The following COL9A1 variants were observed in gnomAD, a reference collection of about 807,000 sequenced individuals.
COL9A1 encodes the protein collagen alpha-1(IX) chain.
A neutral mutation model predicts 142.6 loss-of-function variants in COL9A1; 104 were observed. That is an observed-to-expected ratio of 0.73 (90% confidence interval 0.62 to 0.86). The LOEUF is 0.86. Among genes scored for constraint, COL9A1 ranks in the 40% least tolerant of loss-of-function variants. The pLI, the probability that COL9A1 is intolerant of heterozygous loss-of-function variation, is 0.00. For synonymous variants in COL9A1, 466 were observed against 396.0 expected, an observed-to-expected ratio of 1.18 and a Z score of -2.10; for missense variants, 1,210 against 1,176.6, an observed-to-expected ratio of 1.03 and a Z score of -0.42.
chr6:70,291,356 T>C (rs983230690), intron 5 of COL9A1, among the ~76,000 whole-genome samples: 1 of 152,092 alleles, frequency 6.6e-6, no homozygotes, highest in Non-Finnish European at 1.5e-5. Context: ...TCCCCAGGAC[T>C]CCTTTCAGAC....
intron 20 of COL9A1, among the ~76,000 whole-genome samples, chr6:70,257,292 C>G (rs991470060): frequency 1.3e-5 from 2 of 152,046 alleles, no homozygotes; most frequent in Admixed American, 6.6e-5. Flanking sequence ...ATCTCTTGAC[C>G]TCATGATCTG....
intron 5 of COL9A1, among the ~76,000 whole-genome samples, chr6:70,292,130 C>A (rs1773685196): frequency 6.6e-6 from 1 of 152,158 alleles, no homozygotes; most frequent in African/African-American, 2.4e-5. Flanking sequence ...TTGAATTTCA[C>A]ATTGTCACTT....
In COL9A1 at chr6:70,283,666, A is replaced by G. The variant is rs1773314395; in HGVS notation, c.780+71T>C. On this transcript the variant is annotated intron_variant, in intron 6 of 37. Transcript: ENST00000357250. Reference sequence around the variant, plus strand: ...GGAGGGGTGCTGGGGAGGTGGCAAGATGGGAAAGTGGTGAGGTGGAGAGGG... The same window carrying G: ...GGAGGGGTGCTGGGGAGGTGGCAAGGTGGGAAAGTGGTGAGGTGGAGAGGG... The G allele has an allele frequency of 6.9e-6, 8 of 1,162,842 alleles. No homozygotes were observed. In the Admixed American group the frequency reaches 1.5e-4, roughly 22 times the overall value. 72.0% of individuals were successfully genotyped at this position (1,162,842 alleles called of 1,614,324 possible).
intron 33 of COL9A1, among the ~76,000 whole-genome samples, chr6:70,236,452 C>A (rs928108919): frequency 6.6e-6 from 1 of 152,056 alleles, no homozygotes; most frequent in Non-Finnish European, 1.5e-5. Flanking sequence ...TAAAAGAACA[C>A]GAGGCAGCAA....
intron 36 of COL9A1, among the ~76,000 whole-genome samples, chr6:70,231,441 ACT>A (rs1769535801): frequency 1.3e-5 from 2 of 151,620 alleles, no homozygotes; most frequent in Admixed American, 1.3e-4. Flanking sequence ...TTTAAGAAAA[ACT>A]CTACCCTCAG....
intron 37 of COL9A1, among the ~76,000 whole-genome samples, chr6:70,223,298 A>G (rs1156940831): frequency 6.6e-6 from 1 of 152,246 alleles, no homozygotes; most frequent in Admixed American, 6.5e-5. Flanking sequence ...CGCCTACTAT[A>G]GCCAGGAACT....
At chr6:70,232,077 A>G (rs968095963) in intron 36 of COL9A1, among the ~76,000 whole-genome samples, 1 of 152,140 alleles carries the variant, frequency 6.6e-6, no homozygotes, top group Non-Finnish European at 1.5e-5. Flanking sequence ...AAAAAAATCC[A>G]TCAAAACTAA....
intron 16 of COL9A1, 144 bp downstream of exon 16, chr6:70,269,489 G>A: frequency 1.5e-6 from 1 of 648,434 alleles, no homozygotes; most frequent in Non-Finnish European, 2.8e-6. Context: ...TAGTCCACTA[G>A]CGTTACAGAC....
intron 7 of COL9A1, among the ~76,000 whole-genome samples, chr6:70,281,671 C>A (rs1470683652): frequency 6.6e-6 from 1 of 152,140 alleles, no homozygotes; most frequent in African/African-American, 2.4e-5. Context: ...AACTGTGGGG[C>A]TAGAGCAGGA....
rs182559236 is a variant in COL9A1 at position 70,275,703 on chromosome 6, C to T, written c.976-931G>A. On this transcript the variant is annotated intron_variant, in intron 10 of 37. Coordinates refer to ENST00000357250, the MANE Select transcript of COL9A1 (RefSeq NM_001851.6). ...GCTCTTTGACACTTTCAGATGCTGT[C>T]ATTTACAATGTAATCTTGAAAGTAT... is the stretch of plus-strand genomic sequence containing the variant. Among the ~76,000 whole-genome samples the T allele has an allele frequency of 2.5e-3, 382 of 152,052 alleles. 5 individuals are homozygous for T. The highest frequency in any genetic ancestry group is 8.5e-3 in the African/African-American group (352 of 41,506).
intron 28 of COL9A1, among the ~76,000 whole-genome samples, chr6:70,247,644 C>T (rs1770687545): frequency 6.6e-6 from 1 of 152,158 alleles, no homozygotes; most frequent in African/African-American, 2.4e-5. Flanking sequence ...TTTATAAACC[C>T]ATTTTCATGT....
chr6:70,250,306 C>T (rs965445151), intron 28 of COL9A1, among the ~76,000 whole-genome samples: 4 of 152,074 alleles, frequency 2.6e-5, no homozygotes, highest in Admixed American at 6.6e-5. Flanking sequence ...AGTAAACACT[C>T]GCAAAGCTCT....
chr6:70,258,255 T>C (rs561325157), intron 20 of COL9A1, among the ~76,000 whole-genome samples: 35 of 152,318 alleles, frequency 2.3e-4, no homozygotes, highest in African/African-American at 8.2e-4. Context: ...TGAGGCAGCC[T>C]TCTAATGAAC....
chr6:70,241,509 T>G (rs1770258150), intron 30 of COL9A1, 55 bp from the exon 31 acceptor site: 11 of 1,467,514 alleles, frequency 7.5e-6, no homozygotes, highest in Non-Finnish European at 9.5e-6. Flanking sequence ...TTATATAATT[T>G]CAAGTGAACC....
chr6:70,218,341 T>C (rs1768658525), intron 37 of COL9A1, among the ~76,000 whole-genome samples: 2 of 152,246 alleles, frequency 1.3e-5, no homozygotes, highest in Admixed American at 1.3e-4. Context: ...CATTTCTTGC[T>C]TGTCTTCCTT....
chr6:70,269,667 TA>T lies in COL9A1; in HGVS notation c.1198-3del, dbSNP rs763505302. 1.3e-6 allele frequency: 2 copies of T among 1,579,484 alleles called. No homozygotes were observed. Among genetic ancestry groups the T allele is most frequent in the Non-Finnish European group, 1.7e-6 (2 of 1,148,496 alleles). ...TCCATCATGAAAGCCAATTGTTCCCTAAAGTAAACAAAATATTAAGGTTCAG... is the reference window on the plus strand; with the variant it reads ...TCCATCATGAAAGCCAATTGTTCCCTAAGTAAACAAAATATTAAGGTTCAG... On this transcript the variant is annotated splice_region_variant and splice_polypyrimidine_tract_variant and intron_variant, in intron 15 of 37. Coordinates refer to ENST00000357250, the MANE Select transcript of COL9A1 (RefSeq NM_001851.6).
intron 22 of COL9A1, 46 bp from the exon 23 acceptor site, chr6:70,255,249 A>T (rs1018727018): frequency 6.2e-7 from 1 of 1,612,434 alleles, no homozygotes. Flanking sequence ...TTCAGTTAAC[A>T]TAATACTTAG....
At chr6:70,282,424 C>T (rs1043170218) in intron 7 of COL9A1, among the ~76,000 whole-genome samples, 2 of 152,212 alleles carry the variant, frequency 1.3e-5, no homozygotes, top group African/African-American at 4.8e-5. Flanking sequence ...AAGCCAGGGC[C>T]GCCAAGTTCC....
intron 4 of COL9A1, among the ~76,000 whole-genome samples, chr6:70,297,403 G>A (rs1314531722): frequency 6.6e-6 from 1 of 152,008 alleles, no homozygotes; most frequent in African/African-American, 2.4e-5. Context: ...AACTAGGCTA[G>A]TATAGTAGTC....
Sources: gnomAD v4.1 joint callset for allele counts (sites outside exome capture counted in the v4.1 genomes callset) on GRCh38, gnomAD v4.1.1 for gene constraint, MANE v1.5 for transcripts, NCBI Gene and HGNC (gene_info 2026-07-23, HGNC 2026-07-21) for gene names.